The following ARPC1A variants were observed in gnomAD, a reference collection of about 807,000 sequenced individuals.
ARPC1A encodes actin-related protein 2/3 complex subunit 1A.
Under a neutral mutation model 46.9 loss-of-function variants are expected in ARPC1A, and 8 were observed. The observed-to-expected ratio is 0.17, with a 90% CI of 0.10 to 0.31. The LOEUF (loss-of-function observed/expected upper bound fraction) is 0.31. Ranked by LOEUF, ARPC1A falls within the 10% of genes least tolerant of loss-of-function variation. The pLI is 1.00. For synonymous variants in ARPC1A, 152 were observed against 169.0 expected (o/e 0.90, Z 0.78); for missense variants, 286 against 483.6 (o/e 0.59, Z 3.83).
chr7:99,350,169 G>A (rs900049965), intron 5 of ARPC1A, among the ~76,000 whole-genome samples: 13 of 152,176 alleles, frequency 8.5e-5, no homozygotes, highest in Non-Finnish European at 1.3e-4. Context: ...TGGGGCCAGC[G>A]AAGATTTCCT....
At chr7:99,355,549 AG>A (rs1793613773) in intron 6 of ARPC1A, among the ~76,000 whole-genome samples, 2 of 152,246 alleles carry the variant, frequency 1.3e-5, no homozygotes, top group South Asian at 4.1e-4. Context: ...GTTCGAGAGC[AG>A]CCTGGCCAAC....
chr7:99,327,477 A>AT (rs112492087), intron 1 of ARPC1A, among the ~76,000 whole-genome samples: 44,792 of 138,978 alleles, frequency 0.32, 11,311 homozygotes, highest in African/African-American at 0.71. Context: ...CGCCTGGCTA[A>AT]TTTTTTTTTT....
chr7:99,360,326 A>ATT (rs1183973949), intron 8 of ARPC1A: 42 of 140,916 alleles, frequency 3.0e-4, no homozygotes, highest in Non-Finnish European at 4.5e-4. Flanking sequence ...AGAAAGTTTA[A>ATT]TTTTTTTTTT....
intron 7 of ARPC1A, 30 bp from the exon 8 acceptor site, chr7:99,359,514 TC>T: frequency 1.2e-6 from 2 of 1,608,808 alleles, no homozygotes; most frequent in African/African-American, 2.7e-5. Flanking sequence ...GGGCAGTGCA[TC>T]CTCCAGGGAC....
intron 4 of ARPC1A, among the ~76,000 whole-genome samples, chr7:99,344,959 T>C (rs148890659): frequency 0.016 from 1,939 of 120,982 alleles, 73 homozygotes; most frequent in African/African-American, 0.058. Flanking sequence ...TGAGACAGAG[T>C]CTTACTCTGT....
rs1562803976 is a variant in ARPC1A, at chr7:99,362,336, C to CCCT, written c.984-1207_984-1206insCCT. ...AATAAAAATGTAAAACCCCGCCCCC[C>CCCT]TTTTTTTTTTTTTTTTTGAGATGGA... On this transcript the variant is annotated intron_variant, in intron 8 of 9. Transcript: ENST00000262942. Among the ~76,000 whole-genome samples, 16 of 129,628 alleles carry CCCT rather than the reference C, an allele frequency of 1.2e-4. 1 individual carries two copies. The highest frequency in any genetic ancestry group is 2.9e-4 in the African/African-American group (10 of 34,328). The allele number at this position is 129,628 out of a possible 152,430, so 85.0% of individuals were successfully genotyped here.
chr7:99,359,387 G>C lies in ARPC1A; in HGVS notation c.790-158G>C. ...GGAAGCAGAGGTTGTGGTGACCTGAGATTGTGCCACTGCACTCTAGCCAGG... is the reference window on the plus strand; with the variant it reads ...GGAAGCAGAGGTTGTGGTGACCTGACATTGTGCCACTGCACTCTAGCCAGG... On this transcript the variant is annotated intron_variant, in intron 7 of 9. Transcript: ENST00000262942. 3 of 707,710 alleles carry C rather than the reference G, an allele frequency of 4.2e-6. No homozygotes were observed. In the South Asian group the frequency reaches 5.6e-5, roughly 13 times the overall value. 43.8% of individuals were successfully genotyped at this position (707,710 alleles called of 1,614,324 possible).
chr7:99,343,545 G>T (rs1337854900), intron 3 of ARPC1A, among the ~76,000 whole-genome samples: 1 of 152,100 alleles, frequency 6.6e-6, no homozygotes, highest in Non-Finnish European at 1.5e-5. Context: ...TTTGCTCTTG[G>T]TATATAAGAA....
chr7:99,339,851 A>G, intron 3 of ARPC1A: 1 of 381,566 alleles, frequency 2.6e-6, no homozygotes, highest in South Asian at 1.8e-5. Flanking sequence ...ATGTGTTAAT[A>G]CCACAGGGTA....
intron 4 of ARPC1A, among the ~76,000 whole-genome samples, chr7:99,344,843 G>A (rs904584083): frequency 6.8e-5 from 9 of 133,218 alleles, no homozygotes; most frequent in Middle Eastern, 4.9e-3. Flanking sequence ...AAGAGTCTCC[G>A]TTCCCTGAGG....
At chr7:99,334,004 T>C (rs1325643419) in intron 2 of ARPC1A, among the ~76,000 whole-genome samples, 7 of 141,326 alleles carry the variant, frequency 5.0e-5, no homozygotes, top group Non-Finnish European at 4.6e-5. Flanking sequence ...TGTGTGTGTG[T>C]ACACACACAC....
chr7:99,362,243 G>A (rs7800880), intron 8 of ARPC1A, among the ~76,000 whole-genome samples: 3 of 151,406 alleles, frequency 2.0e-5, no homozygotes, highest in Non-Finnish European at 2.9e-5. Context: ...GCAGTGAGCC[G>A]AGATCGCACC....
rs1381422308 is a variant in ARPC1A, at chr7:99,354,062, C to T, written c.654C>T (p.Arg218=). ...TAAGCTTCTCTGCCAGTGGGAGCCG[C>T]CTGGCCTGGGTCAGCCACGACAGCA... ...HGVSFSASGS[R]LAWVSHDSTV... Residue 218 remains arginine, a synonymous_variant, in exon 6 of 10, where the codon CGC becomes CGT. Coordinates refer to ENST00000262942, the MANE Select transcript of ARPC1A (RefSeq NM_006409.4). 1.2e-6 allele frequency: 2 copies of T among 1,614,066 alleles called. No individual in the cohort carries two copies. The highest frequency in any genetic ancestry group is 1.7e-6 in the Non-Finnish European group (2 of 1,179,978).
intron 1 of ARPC1A, among the ~76,000 whole-genome samples, chr7:99,328,670 C>T (rs1793092923): frequency 1.3e-5 from 2 of 152,044 alleles, no homozygotes; most frequent in African/African-American, 2.4e-5. Flanking sequence ...GGGGTGGGGG[C>T]CGGGCATGGT....
intron 1 of ARPC1A, among the ~76,000 whole-genome samples, chr7:99,333,095 C>G (rs968290866): frequency 6.6e-6 from 1 of 152,138 alleles, no homozygotes; most frequent in African/African-American, 2.4e-5. Context: ...CTGGGTTTCA[C>G]CAGGTTGGCC....
chr7:99,361,120 A>T (rs1448590866), intron 8 of ARPC1A, among the ~76,000 whole-genome samples: 3 of 152,130 alleles, frequency 2.0e-5, no homozygotes, highest in Admixed American at 6.6e-5. Flanking sequence ...CCTGTTTGAG[A>T]GAATTACAAT....
At chr7:99,331,030 C>T (rs1315443760) in intron 1 of ARPC1A, among the ~76,000 whole-genome samples, 4 of 152,192 alleles carry the variant, frequency 2.6e-5, no homozygotes, top group African/African-American at 4.8e-5. Context: ...TTATCACAAA[C>T]GCCTACATAC....
intron 4 of ARPC1A, among the ~76,000 whole-genome samples, chr7:99,345,468 C>A (rs897037073): frequency 6.6e-6 from 1 of 152,036 alleles, no homozygotes; most frequent in Non-Finnish European, 1.5e-5. Context: ...ATTCTCCAGC[C>A]TGGCCAAGAT....
intron 5 of ARPC1A, among the ~76,000 whole-genome samples, chr7:99,352,130 T>C (rs1793551723): frequency 6.6e-6 from 1 of 152,154 alleles, no homozygotes; most frequent in Non-Finnish European, 1.5e-5. Flanking sequence ...AAATAGTTTC[T>C]GCTCTCCCAC....
Sources: allele counts gnomAD v4.1 joint callset (sites outside exome capture counted in the v4.1 genomes callset), GRCh38; gene constraint gnomAD v4.1.1; transcripts MANE v1.5; gene names NCBI Gene and HGNC (gene_info 2026-07-23, HGNC 2026-07-21).